OR1B1: variants seen among roughly 807,000 people sequenced by gnomAD.
OR1B1 encodes olfactory receptor 1B1.
For synonymous variants in OR1B1, 168 were observed against 156.2 expected (o/e 1.08, Z -0.57); for missense variants, 414 against 402.1 (o/e 1.03, Z -0.25).
chr9:122,639,061 A>G, the OR1B1 span, among the ~76,000 whole-genome samples: 2 of 152,154 alleles, frequency 1.3e-5, no homozygotes, highest in Non-Finnish European at 2.9e-5. Flanking sequence ...AACACACATC[A>G]ACGTACTGTC....
the OR1B1 span, among the ~76,000 whole-genome samples, chr9:122,638,705 C>T: frequency 6.6e-6 from 1 of 152,152 alleles, no homozygotes; most frequent in Admixed American, 6.5e-5. Flanking sequence ...CCATGAAGTT[C>T]CCCTAGATGG....
chr9:122,637,471 C>A, the OR1B1 span, among the ~76,000 whole-genome samples: 4 of 152,150 alleles, frequency 2.6e-5, no homozygotes, highest in East Asian at 7.7e-4. Flanking sequence ...GCAAGAAATT[C>A]TCTTAGGTGG....
the OR1B1 span, among the ~76,000 whole-genome samples, chr9:122,647,450 A>G: frequency 1.3e-5 from 2 of 152,334 alleles, no homozygotes; most frequent in East Asian, 3.9e-4. Flanking sequence ...ATCAAAAAAG[A>G]GGAAAAACTT....
chr9:122,639,199 T>G, the OR1B1 span, among the ~76,000 whole-genome samples: 1 of 152,170 alleles, frequency 6.6e-6, no homozygotes, highest in African/African-American at 2.4e-5. Context: ...CTTCTTACTC[T>G]TCTTAACATG....
the OR1B1 span, among the ~76,000 whole-genome samples, chr9:122,645,903 A>G: frequency 2.6e-4 from 39 of 152,278 alleles, no homozygotes; most frequent in East Asian, 5.8e-3. Flanking sequence ...ACAGATTAGT[A>G]TAACACTATA....
chr9:122,647,766 A>T, the OR1B1 span, among the ~76,000 whole-genome samples: 1 of 151,816 alleles, frequency 6.6e-6, no homozygotes, highest in Non-Finnish European at 1.5e-5. Flanking sequence ...AGAGGCTGTG[A>T]TAAATTCACA....
the OR1B1 span, among the ~76,000 whole-genome samples, chr9:122,635,665 A>G: frequency 6.6e-6 from 1 of 152,216 alleles, no homozygotes; most frequent in African/African-American, 2.4e-5. Context: ...AAATAAGTCC[A>G]AGATTAAGTA....
the OR1B1 span, among the ~76,000 whole-genome samples, chr9:122,657,465 C>T: frequency 7.9e-5 from 12 of 152,120 alleles, no homozygotes; most frequent in Non-Finnish European, 1.8e-4. Flanking sequence ...TGTTTCCCAG[C>T]TAAGGACTGG....
the OR1B1 span, among the ~76,000 whole-genome samples, chr9:122,639,063 C>T: frequency 9.2e-5 from 14 of 152,114 alleles, no homozygotes; most frequent in Non-Finnish European, 1.3e-4. Flanking sequence ...CACACATCAA[C>T]GTACTGTCCA....
At chr9:122,646,459 T>C in the OR1B1 span, among the ~76,000 whole-genome samples, 2 of 151,544 alleles carry the variant, frequency 1.3e-5, no homozygotes, top group African/African-American at 2.4e-5. Flanking sequence ...AGAAGTACAC[T>C]TCACCTATAA....
exon 1 of OR1B1, chr9:122,629,083 C>A: frequency 6.2e-7 from 1 of 1,613,972 alleles, no homozygotes; most frequent in African/African-American, 1.3e-5. Flanking sequence ...TGGACACCAC[C>A]CAGCTCAAGG....
At chr9:122,634,888 G>A in the OR1B1 span, among the ~76,000 whole-genome samples, 1 of 152,158 alleles carries the variant, frequency 6.6e-6, no homozygotes, top group Non-Finnish European at 1.5e-5. Context: ...ACAAGTGTTG[G>A]CAAGGATATG....
upstream of OR1B1, among the ~76,000 whole-genome samples, chr9:122,631,473 A>G (rs1830202741): frequency 6.6e-6 from 1 of 152,110 alleles, no homozygotes; most frequent in Admixed American, 6.6e-5. Context: ...CACCATGCCC[A>G]GCCAATAACA....
upstream of OR1B1, chr9:122,629,635 A>C (rs1469165804): frequency 3.9e-6 from 3 of 774,636 alleles, no homozygotes; most frequent in African/African-American, 5.2e-5. Flanking sequence ...ATATTACGTT[A>C]CTAAAGATCG....
chr9:122,646,248 A>G, the OR1B1 span, among the ~76,000 whole-genome samples: 1,375 of 152,178 alleles, frequency 9.0e-3, 21 homozygotes, highest in African/African-American at 0.031. Context: ...TGAAAATCAC[A>G]TTCACTGAAA....
chr9:122,641,273 A>G, the OR1B1 span, among the ~76,000 whole-genome samples: 1 of 152,326 alleles, frequency 6.6e-6, no homozygotes, highest in South Asian at 2.1e-4. Flanking sequence ...TAAGCCCTAT[A>G]TATGTGACAA....
At chr9:122,631,701 T>C (rs2118811049), upstream of OR1B1, among the ~76,000 whole-genome samples, 1 of 152,240 alleles carries the variant, frequency 6.6e-6, no homozygotes, top group East Asian at 1.9e-4. Context: ...AGATAAGAGC[T>C]TAAACCTGTA....
At chr9:122,656,949 G>A in the OR1B1 span, among the ~76,000 whole-genome samples, 1 of 151,946 alleles carries the variant, frequency 6.6e-6, no homozygotes, top group African/African-American at 2.4e-5. Context: ...AATCAACTGA[G>A]GGGTCCAACT....
At chr9:122,630,695 T>A (rs569738952), upstream of OR1B1, among the ~76,000 whole-genome samples, 10 of 133,570 alleles carry the variant, frequency 7.5e-5, no homozygotes, top group African/African-American at 1.5e-4. Flanking sequence ...CTATCCAGGG[T>A]TTTTTTGTTT....
Sources: gnomAD v4.1 joint callset for allele counts (sites outside exome capture counted in the v4.1 genomes callset) on GRCh38, gnomAD v4.1.1 for gene constraint, MANE v1.5 for transcripts, NCBI Gene and HGNC (gene_info 2026-07-23, HGNC 2026-07-21) for gene names.